Variants in BNIP5 observed in about 807,000 individuals in gnomAD.
BNIP5 encodes the protein protein BNIP5.
A neutral mutation model predicts 67.3 loss-of-function variants in BNIP5; 61 were observed. The observed-to-expected ratio is 0.91, with a 90% confidence interval of 0.74 to 1.12. The LOEUF is 1.12. BNIP5 is among the 50% of genes most tolerant of loss of function. The pLI, the probability that BNIP5 is intolerant of heterozygous loss-of-function variation, is 0.00. For synonymous variants in BNIP5, 317 were observed against 319.0 expected (o/e 0.99, Z 0.07); for missense variants, 826 against 816.3 (o/e 1.01, Z -0.14).
At chr6:36,319,257 G>C (rs2127362014) in intron 11 of BNIP5, 99 bp downstream of exon 11, 1 of 1,456,042 alleles carries the variant, frequency 6.9e-7, no homozygotes, top group African/African-American at 1.4e-5. Context: ...GAACTGAGCA[G>C]GGGAGGGGAG....
At chr6:36,334,476 G>C in intron 1 of BNIP5, among the ~76,000 whole-genome samples, 1 of 151,996 alleles carries the variant, frequency 6.6e-6, no homozygotes, top group East Asian at 1.9e-4. Context: ...TTTCCTCTCT[G>C]GGTGGCTGTG....
chr6:36,334,121 C>T (rs1300643734), intron 1 of BNIP5, among the ~76,000 whole-genome samples: 2 of 152,236 alleles, frequency 1.3e-5, no homozygotes, highest in African/African-American at 2.4e-5. Context: ...TCCAAGGACA[C>T]GCTGCTCCTC....
At chr6:36,319,211 TGAG>T in intron 11 of BNIP5, 142 bp downstream of exon 11, 1 of 820,496 alleles carries the variant, frequency 1.2e-6, no homozygotes, top group Non-Finnish European at 1.9e-6. Flanking sequence ...AAGGCCTCAG[TGAG>T]GAGGTGACAT....
chr6:36,336,122 C>T lies in BNIP5; in HGVS notation c.-5+590G>A, dbSNP rs143365026. Reference sequence around the variant, plus strand: ...GGACTGTGGGTTATAATCCACCTCCCAGCCTCTACATTCCCATCCAAGAGA... The same window carrying T: ...GGACTGTGGGTTATAATCCACCTCCTAGCCTCTACATTCCCATCCAAGAGA... On this transcript the variant is annotated intron_variant, in intron 1 of 11. Transcript: ENST00000437635. 1.9e-3 allele frequency among the ~76,000 whole-genome samples: 284 copies of T among 152,304 alleles called. 1 individual carries two copies. The highest frequency in any genetic ancestry group is 6.6e-3 in the African/African-American group (274 of 41,564).
At chr6:36,331,577 A>C (rs1771908121) in intron 1 of BNIP5, among the ~76,000 whole-genome samples, 1 of 152,210 alleles carries the variant, frequency 6.6e-6, no homozygotes. Flanking sequence ...GCCCTCTCTC[A>C]CAGGCTGTCA....
chr6:36,320,701 A>C (rs1295736606), intron 10 of BNIP5, among the ~76,000 whole-genome samples: 3 of 152,180 alleles, frequency 2.0e-5, no homozygotes, highest in African/African-American at 7.2e-5. Context: ...AGGGGAGAAA[A>C]TCAACAAGCT....
chr6:36,325,815 A>T (rs1771749367), intron 5 of BNIP5, among the ~76,000 whole-genome samples: 2 of 152,034 alleles, frequency 1.3e-5, no homozygotes, highest in African/African-American at 2.4e-5. Context: ...CTAAGATGTA[A>T]ATTCTCCTGG....
Position 36,330,486 on chromosome 6 carries a change from G to GA in BNIP5, c.204dup (p.His69SerfsTer45), listed in dbSNP as rs1234482245. 6 of 1,614,052 alleles carry GA rather than the reference G, an allele frequency of 3.7e-6. No homozygotes were observed. In the Admixed American group the frequency reaches 1.0e-4, roughly 27 times the overall value. ...GTGGGGGCTGCAGCGGTGGTGCAGT[G>GA]AGCCTCTGCAGATGGAGCTGGGCTG... is the stretch of plus-strand genomic sequence containing the variant. On this transcript the variant is annotated frameshift_variant, in exon 2 of 12. Coordinates refer to ENST00000437635, the MANE Select transcript of BNIP5 (RefSeq NM_001010903.5). LOFTEE classifies it high-confidence loss of function.
At chr6:36,327,979 T>C (rs1452060158) in intron 3 of BNIP5, among the ~76,000 whole-genome samples, 1 of 152,234 alleles carries the variant, frequency 6.6e-6, no homozygotes, top group East Asian at 1.9e-4. Context: ...CTCTTAGTTA[T>C]TCTTTGACAT....
intron 10 of BNIP5, 142 bp from the exon 11 acceptor site, chr6:36,319,752 C>T: frequency 1.1e-6 from 1 of 924,696 alleles, no homozygotes; most frequent in Non-Finnish European, 1.6e-6. Context: ...CTCCACTGCC[C>T]CTAGCCTCTC....
At chr6:36,318,895 C>T (rs1011424106) in intron 11 of BNIP5, among the ~76,000 whole-genome samples, 6 of 152,178 alleles carry the variant, frequency 3.9e-5, no homozygotes, top group African/African-American at 1.2e-4. Flanking sequence ...CTCCTGGAAG[C>T]CTTCCAGAAC....
chr6:36,321,451 G>C (rs1771634990), intron 9 of BNIP5, among the ~76,000 whole-genome samples: 1 of 152,162 alleles, frequency 6.6e-6, no homozygotes, highest in Admixed American at 6.5e-5. Context: ...ACTCTGGTTT[G>C]CTGGGCCTCA....
chr6:36,322,574 T>C, intron 8 of BNIP5, 132 bp from the exon 9 acceptor site: 1 of 994,424 alleles, frequency 1.0e-6, no homozygotes, highest in East Asian at 2.5e-5. Context: ...TGCCCCCGGC[T>C]CTGCCTCAGA....
At chr6:36,319,230 A>G (rs1408124099) in intron 11 of BNIP5, 126 bp downstream of exon 11, 3 of 1,160,654 alleles carry the variant, frequency 2.6e-6, no homozygotes, top group Non-Finnish European at 2.4e-6. Context: ...GACATTTGAG[A>G]TAGACCCAAA....
At chr6:36,334,574 G>A (rs1771974264) in intron 1 of BNIP5, among the ~76,000 whole-genome samples, 1 of 152,076 alleles carries the variant, frequency 6.6e-6, no homozygotes, top group African/African-American at 2.4e-5. Context: ...TCAGCTCTAG[G>A]CCAGGGATTG....
chr6:36,333,217 G>A (rs1266967779), intron 1 of BNIP5, among the ~76,000 whole-genome samples: 1 of 152,248 alleles, frequency 6.6e-6, no homozygotes, highest in Admixed American at 6.5e-5. Flanking sequence ...TGCAGCCCCA[G>A]GTCGCTGAGG....
chr6:36,327,908 C>T (rs1771801336), intron 3 of BNIP5, among the ~76,000 whole-genome samples: 1 of 151,764 alleles, frequency 6.6e-6, no homozygotes, highest in Non-Finnish European at 1.5e-5. Context: ...CTTGACTCAG[C>T]TACCAGCTGG....
At chr6:36,334,297 G>GC (rs1295992086) in intron 1 of BNIP5, among the ~76,000 whole-genome samples, 2 of 152,234 alleles carry the variant, frequency 1.3e-5, no homozygotes, top group Non-Finnish European at 2.9e-5. Context: ...CTGCTGCTGA[G>GC]CCCAGAGGCA....
chr6:36,332,166 G>A (rs1452668506), intron 1 of BNIP5, among the ~76,000 whole-genome samples: 3 of 151,948 alleles, frequency 2.0e-5, no homozygotes, highest in Non-Finnish European at 4.4e-5. Context: ...TCCACTCCAC[G>A]CACACAGCCC....
Sources: gnomAD v4.1 joint callset for allele counts (sites outside exome capture counted in the v4.1 genomes callset) on GRCh38, gnomAD v4.1.1 for gene constraint, MANE v1.5 for transcripts, NCBI Gene and HGNC (gene_info 2026-07-23, HGNC 2026-07-21) for gene names.